IVD: variants seen among roughly 807,000 people sequenced by gnomAD.
The protein encoded by IVD is isovaleryl-CoA dehydrogenase.
A neutral mutation model predicts 51.3 loss-of-function variants in IVD; 31 were observed. The ratio of observed to expected loss-of-function variants is 0.60; its 90% CI spans 0.45 to 0.81. The LOEUF (loss-of-function observed/expected upper bound fraction) is 0.81. Ranked by LOEUF, IVD falls within the 40% of genes least tolerant of loss-of-function variation. The pLI is 0.00. For synonymous variants in IVD, 205 were observed against 219.4 expected (o/e 0.93, Z 0.58); for missense variants, 475 against 552.0 (o/e 0.86, Z 1.40).
At chr15:40,407,759 C>T in intron 2 of IVD, 34 bp downstream of exon 2, 2 of 1,576,874 alleles carry the variant, frequency 1.3e-6, no homozygotes, top group East Asian at 2.2e-5. Context: ...CGGGGGCAGT[C>T]AGGGAGTGGG....
At chr15:40,423,288 G>A (rs1460470172), downstream of IVD, among the ~76,000 whole-genome samples, 1 of 152,122 alleles carries the variant, frequency 6.6e-6, no homozygotes, top group Non-Finnish European at 1.5e-5. Context: ...AAATACTACA[G>A]TTTTTAAAAG....
intron 7 of IVD, among the ~76,000 whole-genome samples, chr15:40,430,484 G>T (rs2141428839): frequency 6.6e-6 from 1 of 152,340 alleles, no homozygotes; most frequent in Non-Finnish European, 1.5e-5. Context: ...GTAAGCAGGA[G>T]TCACGGAAGG....
At chr15:40,429,333 A>C (rs958203918), downstream of IVD, among the ~76,000 whole-genome samples, 1 of 152,236 alleles carries the variant, frequency 6.6e-6, no homozygotes, top group Non-Finnish European at 1.5e-5. Flanking sequence ...GCATTTGCTG[A>C]GGGACTGTTA....
At position 40,411,353 on chromosome 15, in the gene IVD, G is replaced by T; in HGVS notation, c.550G>T (p.Gly184Ter). 1 of 1,614,158 alleles carries T rather than the reference G, an allele frequency of 6.2e-7. No individual in the cohort carries two copies. Residue 184 changes from glycine to a stop codon, truncating the protein, a stop_gained and splice_region_variant, in exon 5 of 12, where the codon GGA becomes TGA. Transcript: ENST00000487418. LOFTEE classifies it high-confidence loss of function. ...TATGAAGCTCAAAGCGGAAAAGAAA[G>T]GTGAGGCCACTCTCAACTTGGGAGC... The part of the protein sequence containing the change: ...VSMKLKAEKK[G>*]NHYILNGNKF...
At chr15:40,413,674 GTTT>G (rs748369761) in intron 7 of IVD, among the ~76,000 whole-genome samples, 3 of 102,038 alleles carry the variant, frequency 2.9e-5, no homozygotes, top group South Asian at 8.5e-4. Context: ...GTTTTTTTTT[GTTT>G]TTTTTGTTTG....
At position 40,418,344 on chromosome 15, in the gene IVD, C is replaced by G. The variant is rs1891943519; in HGVS notation, c.*81C>G. ...AGATGTGGCGGCTTTCCCACCCTGC[C>G]CACAGCAGGCCCTCCTGCCCAGCTG... On this transcript the variant is annotated 3_prime_UTR_variant, in exon 12 of 12. Transcript: ENST00000487418. 1 of 1,603,996 alleles carries G rather than the reference C, an allele frequency of 6.2e-7. No individual in the cohort carries two copies. The highest frequency in any genetic ancestry group is 1.3e-5 in the African/African-American group (1 of 74,758).
At chr15:40,408,077 A>T (rs1890659169) in intron 3 of IVD, 87 bp downstream of exon 3, 2 of 1,326,182 alleles carry the variant, frequency 1.5e-6, no homozygotes, top group South Asian at 1.2e-5. Context: ...GAAGGGAAAG[A>T]TTGTGCTTAA....
intron 1 of IVD, among the ~76,000 whole-genome samples, chr15:40,407,085 A>G (rs1595755648): frequency 6.7e-6 from 1 of 150,142 alleles, no homozygotes; most frequent in Admixed American, 6.6e-5. Context: ...CTGGTCTCAA[A>G]CTCCCAACCT....
intron 6 of IVD, 174 bp from the exon 7 acceptor site, chr15:40,412,817 C>A: frequency 1.6e-6 from 1 of 618,708 alleles, no homozygotes; most frequent in Non-Finnish European, 2.9e-6. Context: ...TGGGATCAAT[C>A]TGGGGCGTTA....
chr15:40,429,123 C>G (rs1034187420), downstream of IVD, among the ~76,000 whole-genome samples: 1 of 152,164 alleles, frequency 6.6e-6, no homozygotes, highest in Non-Finnish European at 1.5e-5. Flanking sequence ...TCCCTGCTGC[C>G]CCATGGAAAC....
chr15:40,409,487 A>C (rs1202756756), intron 3 of IVD, among the ~76,000 whole-genome samples: 1 of 152,102 alleles, frequency 6.6e-6, no homozygotes, highest in Non-Finnish European at 1.5e-5. Context: ...TGGTTTCTGC[A>C]TGATGTCATG....
intron 3 of IVD, among the ~76,000 whole-genome samples, chr15:40,409,836 T>C (rs933443364): frequency 3.1e-5 from 2 of 64,776 alleles, no homozygotes; most frequent in Non-Finnish European, 8.1e-5. Context: ...TGCTTCTTTC[T>C]TTTTTTTTTT....
At chr15:40,409,938 A>G (rs1049288714) in intron 3 of IVD, among the ~76,000 whole-genome samples, 8 of 149,454 alleles carry the variant, frequency 5.4e-5, no homozygotes, top group African/African-American at 1.7e-4. Context: ...CCAGGTTCAC[A>G]CCATTCTCCT....
At chr15:40,434,513 T>C (rs985545336) in intron 8 of IVD, among the ~76,000 whole-genome samples, 4 of 152,226 alleles carry the variant, frequency 2.6e-5, no homozygotes, top group Non-Finnish European at 5.9e-5. Flanking sequence ...GCCATAGGCC[T>C]GCCCTCCAGG....
chr15:40,406,090 G>T, intron 1 of IVD, 119 bp downstream of exon 1: 1 of 1,533,438 alleles, frequency 6.5e-7, no homozygotes, highest in Admixed American at 2.0e-5. Flanking sequence ...TTTGCCCGTG[G>T]GCCGTTGGGA....
chr15:40,406,647 G>T (rs1209593581), intron 1 of IVD, among the ~76,000 whole-genome samples: 1 of 152,108 alleles, frequency 6.6e-6, no homozygotes, highest in Non-Finnish European at 1.5e-5. Flanking sequence ...TAGAAAAGAA[G>T]ACGAAGTAGT....
chr15:40,416,269 G>A, intron 10 of IVD, 21 bp from the exon 11 acceptor site: 1 of 1,614,154 alleles, frequency 6.2e-7, no homozygotes, highest in Non-Finnish European at 8.5e-7. Flanking sequence ...GGGCCCTGCT[G>A]ACCCCAGCTT....
downstream of IVD, among the ~76,000 whole-genome samples, chr15:40,427,395 G>A (rs532329198): frequency 9.2e-5 from 14 of 152,354 alleles, no homozygotes; most frequent in East Asian, 2.3e-3. Context: ...GCGTGAACAC[G>A]CAGCTGCTTG....
At chr15:40,426,537 C>CA (rs199772837), downstream of IVD, among the ~76,000 whole-genome samples, 6,644 of 131,128 alleles carry the variant, frequency 0.051, 447 homozygotes, top group Admixed American at 0.19. Flanking sequence ...TACACTGTCT[C>CA]AAAAAAAAAA....
Sources: gnomAD v4.1 joint callset for allele counts (sites outside exome capture counted in the v4.1 genomes callset) on GRCh38, gnomAD v4.1.1 for gene constraint, MANE v1.5 for transcripts, NCBI Gene and HGNC (gene_info 2026-07-23, HGNC 2026-07-21) for gene names.